Variants in ADAM9 observed in about 807,000 individuals in gnomAD.
ADAM9 encodes disintegrin and metalloproteinase domain-containing protein 9.
ADAM9 carries 54 observed loss-of-function variants against 108.1 expected under a neutral mutation model. The observed-to-expected ratio is 0.50, with a 90% CI of 0.40 to 0.63. ADAM9 has a LOEUF of 0.63. Among genes scored for constraint, ADAM9 ranks in the 20% least tolerant of loss-of-function variants. The probability of loss-of-function intolerance (pLI) is 0.00; values close to 1 mark genes in which losing one functional copy is unlikely to be tolerated. For missense variants in ADAM9, 830 were observed against 997.7 expected (o/e 0.83, Z 2.26); for synonymous variants, 316 against 336.0 (o/e 0.94, Z 0.65).
At position 39,045,006 on chromosome 8, in the gene ADAM9, C is replaced by A. The variant is rs571997951; in HGVS notation, c.1302+2889C>A. On this transcript the variant is annotated intron_variant, in intron 12 of 21. Coordinates refer to ENST00000487273, the MANE Select transcript of ADAM9 (RefSeq NM_003816.3). ...TGTGTATATGTGTGTGCACACATAC[C>A]TATGTATGTGTATGTGTGTGTGCAT... Among the ~76,000 whole-genome samples the A allele has an allele frequency of 2.0e-4, 21 of 102,462 alleles. 1 individual carries two copies. Among genetic ancestry groups the A allele is most frequent in the South Asian group, 8.1e-4 (3 of 3,716 alleles). 67.2% of individuals were successfully genotyped at this position (102,462 alleles called of 152,430 possible).
chr8:39,001,678 T>C (rs1835995711), intron 1 of ADAM9, among the ~76,000 whole-genome samples: 1 of 152,108 alleles, frequency 6.6e-6, no homozygotes, highest in African/African-American at 2.4e-5. Context: ...GTAGTTTTTT[T>C]TTTTTTTGAG....
intron 20 of ADAM9, among the ~76,000 whole-genome samples, chr8:39,096,194 C>T (rs1448683183): frequency 2.0e-5 from 3 of 148,906 alleles, no homozygotes; most frequent in African/African-American, 7.3e-5. Flanking sequence ...ATAGTCATCA[C>T]CTCAAGGATT....
intron 8 of ADAM9, 71 bp downstream of exon 8, chr8:39,021,785 T>C (rs1207376579): frequency 2.9e-6 from 4 of 1,362,174 alleles, no homozygotes; most frequent in African/African-American, 2.9e-5. Flanking sequence ...AACTTAAAAA[T>C]GTCTCATTTT....
chr8:39,017,493 A>C, intron 6 of ADAM9, 79 bp downstream of exon 6: 1 of 1,420,812 alleles, frequency 7.0e-7, no homozygotes, highest in Admixed American at 1.9e-5. Context: ...AATCAATACT[A>C]TGAGTAGTGT....
chr8:39,066,698 G>A lies in ADAM9; in HGVS notation c.1592-4600G>A, dbSNP rs559398189. Among the ~76,000 whole-genome samples, 9 of 152,238 alleles carry A rather than the reference G, an allele frequency of 5.9e-5. No homozygotes were observed. The South Asian group carries it at 1.7e-3, about 28-fold the overall frequency. ...TGCAAAAATTTTCTCTCATTTTGTA[G>A]GTTGCCTGTTCACTCTGATGGTAGT... On this transcript the variant is annotated intron_variant, in intron 14 of 21. Transcript: ENST00000487273.
chr8:39,102,057 G>C, intron 21 of ADAM9, 127 bp downstream of exon 21: 1 of 831,572 alleles, frequency 1.2e-6, no homozygotes, highest in Non-Finnish European at 2.0e-6. Flanking sequence ...ACAAGAATAT[G>C]ATTTGCAGAA....
rs770679072 is a variant in ADAM9 at position 39,090,070 on chromosome 8, G to A, written c.2092G>A (p.Gly698Arg). Residue 698 changes from glycine to arginine, a missense_variant, in exon 19 of 22, where the codon GGA (glycine) becomes AGA (arginine). Coordinates refer to ENST00000487273, the MANE Select transcript of ADAM9 (RefSeq NM_003816.3). ...AGAAATGAATACTGCATTGAGGGAC[G>A]GACTTCTGGTCTTCTTCTTCCTAAT... ...YNEMNTALRD[G>R]LLVFFFLIVP... is the part of the protein sequence containing the mutation. The A allele has an allele frequency of 1.9e-6, 3 of 1,613,620 alleles. No individual in the cohort carries two copies. The highest frequency in any genetic ancestry group is 1.1e-5 in the South Asian group (1 of 91,072).
At chr8:39,057,224 A>C (rs1207095171) in intron 14 of ADAM9, among the ~76,000 whole-genome samples, 2 of 152,014 alleles carry the variant, frequency 1.3e-5, no homozygotes, top group Non-Finnish European at 2.9e-5. Context: ...TTGCACAATG[A>C]CAAAATCACC....
chr8:39,094,028 TC>T (rs1232044691), intron 20 of ADAM9, among the ~76,000 whole-genome samples: 7 of 152,224 alleles, frequency 4.6e-5, no homozygotes, highest in Non-Finnish European at 1.0e-4. Flanking sequence ...TGCCTCGGCC[TC>T]CCAAAGTGCT....
intron 12 of ADAM9, among the ~76,000 whole-genome samples, chr8:39,049,432 T>A (rs1837880697): frequency 1.3e-5 from 2 of 151,508 alleles, no homozygotes; most frequent in African/African-American, 4.8e-5. Context: ...TTCCAACATA[T>A]TTTTTATAGT....
At chr8:39,096,942 C>T (rs1309140407) in intron 20 of ADAM9, among the ~76,000 whole-genome samples, 1 of 152,120 alleles carries the variant, frequency 6.6e-6, no homozygotes, top group African/African-American at 2.4e-5. Context: ...ATTTTTTGAA[C>T]ATCATTATGA....
chr8:39,049,417 G>T (rs548392917), intron 12 of ADAM9, among the ~76,000 whole-genome samples: 1 of 149,592 alleles, frequency 6.7e-6, no homozygotes, highest in South Asian at 2.1e-4. Flanking sequence ...TTAATATTGT[G>T]TATCTTCCAA....
At chr8:39,023,074 T>C in intron 8 of ADAM9, 82 bp from the exon 9 acceptor site, 1 of 1,236,488 alleles carries the variant, frequency 8.1e-7, no homozygotes, top group South Asian at 1.4e-5. Flanking sequence ...TTAATTTAAG[T>C]AGCCGTGTTA....
At chr8:39,002,299 A>G (rs1588317266) in intron 1 of ADAM9, among the ~76,000 whole-genome samples, 1 of 143,772 alleles carries the variant, frequency 7.0e-6, no homozygotes, top group East Asian at 2.2e-4. Context: ...TTGCTTTGCA[A>G]TTAGGTAGAA....
chr8:39,052,315 T>C (rs1281923850), intron 12 of ADAM9, among the ~76,000 whole-genome samples: 1 of 152,140 alleles, frequency 6.6e-6, no homozygotes, highest in Non-Finnish European at 1.5e-5. Flanking sequence ...GTTGGTTCAT[T>C]AAATCTTCTT....
At chr8:39,053,318 T>A (rs1029123650) in intron 12 of ADAM9, among the ~76,000 whole-genome samples, 2 of 152,212 alleles carry the variant, frequency 1.3e-5, no homozygotes, top group Non-Finnish European at 2.9e-5. Context: ...AACTTTTTCA[T>A]GTTGATGAAG....
chr8:39,006,742 C>G (rs186806475), intron 1 of ADAM9, among the ~76,000 whole-genome samples: 84 of 152,008 alleles, frequency 5.5e-4, no homozygotes, highest in African/African-American at 2.0e-3. Flanking sequence ...AGAACCCAAG[C>G]CCTGCTTAAG....
chr8:39,048,003 C>T (rs1385188298), intron 12 of ADAM9, among the ~76,000 whole-genome samples: 1 of 151,750 alleles, frequency 6.6e-6, no homozygotes, highest in Non-Finnish European at 1.5e-5. Flanking sequence ...TCATTGCAAC[C>T]TCCACCTCCT....
chr8:39,018,735 G>C, intron 6 of ADAM9, 118 bp from the exon 7 acceptor site: 1 of 910,594 alleles, frequency 1.1e-6, no homozygotes, highest in Non-Finnish European at 1.8e-6. Context: ...TATAGGATAT[G>C]TTAAGTAAAA....
Sources: allele counts gnomAD v4.1 joint callset (sites outside exome capture counted in the v4.1 genomes callset), GRCh38; gene constraint gnomAD v4.1.1; transcripts MANE v1.5; gene names NCBI Gene and HGNC (gene_info 2026-07-23, HGNC 2026-07-21).